The following CCDC69 variants were observed in gnomAD, a reference collection of about 807,000 sequenced individuals.
CCDC69 encodes the protein coiled-coil domain-containing protein 69.
In CCDC69, 38 loss-of-function variants were observed where a neutral mutation model predicts 40.3. That is an observed-to-expected ratio of 0.94 (90% confidence interval 0.73 to 1.24). The LOEUF is 1.24. CCDC69 is among the 50% of genes most tolerant of loss of function. CCDC69 has a pLI of 0.00. For synonymous variants in CCDC69, 141 were observed against 138.9 expected (o/e 1.02, Z -0.11); for missense variants, 389 against 357.9 (o/e 1.09, Z -0.70).
At chr5:151,186,455 A>T (rs372376031) in intron 5 of CCDC69, among the ~76,000 whole-genome samples, 1 of 151,386 alleles carries the variant, frequency 6.6e-6, no homozygotes, top group African/African-American at 2.4e-5. Flanking sequence ...GGGAGGGAGA[A>T]GGAGAAGGAG....
chr5:151,185,437 G>C lies in CCDC69; in HGVS notation c.600C>G (p.Ile200Met). Residue 200 changes from isoleucine to methionine, a missense_variant, in exon 7 of 9, where the codon ATC (isoleucine) becomes ATG (methionine). Coordinates refer to ENST00000355417, the MANE Select transcript of CCDC69 (RefSeq NM_015621.3). ...ERIHELDRRLILMETVKEKNL... is the reference protein window; with the variant it reads ...ERIHELDRRLMLMETVKEKNL... ...AGTCACAGACCACTGTTTCCATGAG[G>C]ATCAGCCGCCTGTCCAGCTCATGAA... The C allele has an allele frequency of 1.9e-6, 3 of 1,613,968 alleles. No individual in the cohort carries two copies. The highest frequency in any genetic ancestry group is 2.5e-6 in the Non-Finnish European group (3 of 1,179,906).
chr5:151,205,649 C>T (rs529768805), intron 1 of CCDC69, among the ~76,000 whole-genome samples, 174 bp from the exon 2 acceptor site: 9 of 152,312 alleles, frequency 5.9e-5, no homozygotes, highest in East Asian at 1.9e-4. Context: ...GACCCTCTAC[C>T]GGGGGAGGGG....
intron 1 of CCDC69, among the ~76,000 whole-genome samples, chr5:151,215,245 T>A (rs1753020055): frequency 6.6e-6 from 1 of 152,160 alleles, no homozygotes; most frequent in Non-Finnish European, 1.5e-5. Flanking sequence ...AGCGCCTGGA[T>A]ACCTGTCTCA....
At chr5:151,193,606 A>G (rs1752653525) in intron 4 of CCDC69, among the ~76,000 whole-genome samples, 1 of 152,114 alleles carries the variant, frequency 6.6e-6, no homozygotes, top group South Asian at 2.1e-4. Context: ...GAAAGACCAC[A>G]TGATTATATG....
rs530295832 is a variant in CCDC69 at position 151,193,591 on chromosome 5, A to G, written c.319+5406T>C. Among the ~76,000 whole-genome samples the G allele has an allele frequency of 9.3e-4, 141 of 152,132 alleles. 1 individual carries two copies. The highest frequency in any genetic ancestry group is 1.2e-4 in the Non-Finnish European group (8 of 68,006). ...AGAGGAAGAAAGAAGAAAGAGAGAGAGAAAGAAAGACCACATGATTATATG... is the reference window on the plus strand; with the variant it reads ...AGAGGAAGAAAGAAGAAAGAGAGAGGGAAAGAAAGACCACATGATTATATG... On this transcript the variant is annotated intron_variant, in intron 4 of 8. Transcript: ENST00000355417.
chr5:151,187,445 A>G lies in CCDC69; in HGVS notation c.334T>C (p.Tyr112His). 2.5e-6 allele frequency: 4 copies of G among 1,613,868 alleles called. No individual in the cohort carries two copies. The highest frequency in any genetic ancestry group is 3.4e-6 in the Non-Finnish European group (4 of 1,179,890). The change falls in exon 5 of 9, where the codon TAT becomes CAT. Residue 112 changes from tyrosine (Y) to histidine (H), a missense_variant. Physicochemically the swap from Tyr to His is moderately conservative, Grantham distance 83. Transcript: ENST00000355417. ...GTAAGCGCTTCTTTCTCCTGTTCAT[A>G]TGAGGCCCGGAGGACTGTAGGGAAA... ...EEALQVLRAS[Y>H]EQEKEALTHS...
At chr5:151,198,335 T>TATCTATCC (rs1554089420) in intron 4 of CCDC69, among the ~76,000 whole-genome samples, 73 of 149,726 alleles carry the variant, frequency 4.9e-4, no homozygotes, top group African/African-American at 1.2e-3. Context: ...TCTATCTATC[T>TATCTATCC]ATCTATCTAT....
intron 1 of CCDC69, among the ~76,000 whole-genome samples, chr5:151,213,603 C>A (rs1301993270): frequency 6.6e-6 from 1 of 152,154 alleles, no homozygotes; most frequent in Admixed American, 6.5e-5. Context: ...TAGGCAGAAG[C>A]AACTTGGATA....
chr5:151,189,897 G>A (rs534170852), intron 4 of CCDC69, among the ~76,000 whole-genome samples: 1 of 152,194 alleles, frequency 6.6e-6, no homozygotes, highest in African/African-American at 2.4e-5. Flanking sequence ...TGTGTTTTCT[G>A]TTTGTTCTCG....
At chr5:151,223,552 G>A (rs73278265) in intron 1 of CCDC69, among the ~76,000 whole-genome samples, 3,728 of 152,314 alleles carry the variant, frequency 0.024, 144 homozygotes, top group African/African-American at 0.084. Flanking sequence ...TTTAACCCCC[G>A]GGGGGAGGAA....
At chr5:151,189,114 C>T (rs1409462803) in intron 4 of CCDC69, among the ~76,000 whole-genome samples, 1 of 152,114 alleles carries the variant, frequency 6.6e-6, no homozygotes, top group Non-Finnish European at 1.5e-5. Context: ...AACTGAGATC[C>T]TATAGATGTA....
rs994493457 is a variant in CCDC69, at chr5:151,223,950, C to A, written c.21G>T (p.Arg7Ser). 6.3e-7 allele frequency: 1 copy of A among 1,576,268 alleles called. No homozygotes were observed. Among genetic ancestry groups the A allele is most frequent in the Non-Finnish European group, 8.6e-7 (1 of 1,164,628 alleles). Residue 7 changes from arginine to serine, a missense_variant, in exon 1 of 9, where the codon AGG (arginine) becomes AGT (serine). By Grantham distance (110) the Arg-to-Ser change is moderately radical. Coordinates refer to ENST00000355417, the MANE Select transcript of CCDC69 (RefSeq NM_015621.3). ...TTTTCGGGGGTTTGCAGCTGCTCAG[C>A]CTGCTGTGTCTGCAGCCCATCCTCC... MGCRHSRLSSCKPPKKK... is the reference protein window; with the variant it reads MGCRHSSLSSCKPPKKK...
intron 7 of CCDC69, chr5:151,184,758 TTGTC>T (rs1376295821): frequency 2.5e-5 from 5 of 202,064 alleles, no homozygotes; most frequent in African/African-American, 1.2e-4. Flanking sequence ...AAAATTAAGT[TTGTC>T]TGTTATGTGT....
intron 1 of CCDC69, among the ~76,000 whole-genome samples, chr5:151,211,567 G>A (rs1752951201): frequency 7.2e-6 from 1 of 139,136 alleles, no homozygotes; most frequent in Non-Finnish European, 1.5e-5. Context: ...CTGTTGCCCA[G>A]GCTGGAGTGC....
Position 151,182,744 on chromosome 5 carries a change from G to A in CCDC69, c.*693C>T. On this transcript the variant is annotated 3_prime_UTR_variant, in exon 9 of 9. Transcript: ENST00000355417. ...GCCTGGTAAAGGAAGAGGAGCTCTG[G>A]CTACTGTCCCTTGGTGGACACGACT... 3.2e-6 allele frequency: 1 copy of A among 313,278 alleles called. No individual in the cohort carries two copies. Among genetic ancestry groups the A allele is most frequent in the Non-Finnish European group, 6.3e-6 (1 of 157,910 alleles). 19.4% of individuals were successfully genotyped at this position (313,278 alleles called of 1,614,324 possible).
intron 4 of CCDC69, among the ~76,000 whole-genome samples, chr5:151,191,087 A>G (rs769274845): frequency 1.5e-4 from 19 of 127,174 alleles, no homozygotes; most frequent in South Asian, 2.5e-4. Context: ...TCTAAAATTA[A>G]AGTTGAAATT....
At position 151,181,998 on chromosome 5, in the gene CCDC69, A is replaced by G. The variant is rs1207550580; in HGVS notation, c.*1439T>C. The G allele has an allele frequency of 6.6e-6, 1 of 152,236 alleles. No homozygotes were observed. The highest frequency in any genetic ancestry group is 2.4e-5 in the African/African-American group (1 of 41,454). 9.4% of individuals were successfully genotyped at this position (152,236 alleles called of 1,614,324 possible). A position where few individuals can be genotyped will look rare whatever the true frequency, so the allele number is the denominator to read the frequency against. On this transcript the variant is annotated 3_prime_UTR_variant, in exon 9 of 9. Coordinates refer to ENST00000355417, the MANE Select transcript of CCDC69 (RefSeq NM_015621.3). ...AAGGAGACTGTACACAGGGGAATAC[A>G]GAAGGCAGTCTGGGATGATGTCACT...
intron 8 of CCDC69, among the ~76,000 whole-genome samples, chr5:151,183,986 TTA>T (rs1201604850): frequency 9.8e-5 from 15 of 152,286 alleles, no homozygotes; most frequent in African/African-American, 3.4e-4. Context: ...ATTCAATAAA[TTA>T]TGTCTGACAC....
Position 151,194,265 on chromosome 5 carries a change from C to G in CCDC69, c.319+4732G>C, listed in dbSNP as rs1752663000. ...AGCCTGCACATGAATGTTAGAACAG[C>G]TCTATTCATAATTGCCTCAAATGTC... On this transcript the variant is annotated intron_variant, in intron 4 of 8. Coordinates refer to ENST00000355417, the MANE Select transcript of CCDC69 (RefSeq NM_015621.3). Among the ~76,000 whole-genome samples, 4 of 152,218 alleles carry G rather than the reference C, an allele frequency of 2.6e-5. No individual in the cohort carries two copies. The South Asian group carries it at 8.3e-4, about 31-fold the overall frequency.
Sources: gnomAD v4.1 joint callset for allele counts (sites outside exome capture counted in the v4.1 genomes callset) on GRCh38, gnomAD v4.1.1 for gene constraint, MANE v1.5 for transcripts, NCBI Gene and HGNC (gene_info 2026-07-23, HGNC 2026-07-21) for gene names.